The following AGBL4 variants were observed in gnomAD, a reference collection of about 807,000 sequenced individuals.
AGBL4 encodes the protein cytosolic carboxypeptidase 6.
AGBL4 carries 58 observed loss-of-function variants against 66.4 expected under a neutral mutation model. The observed-to-expected ratio is 0.87, with a 90% confidence interval of 0.71 to 1.09. AGBL4 has a LOEUF of 1.09. Among genes scored for constraint, AGBL4 ranks in the 50% least tolerant of loss-of-function variants. AGBL4 has a pLI of 0.00. For missense variants in AGBL4, 579 were observed against 631.0 expected (o/e 0.92, Z 0.88); for synonymous variants, 234 against 222.9 (o/e 1.05, Z -0.44).
intron 2 of AGBL4, 89 bp downstream of exon 2, chr1:49,851,307 T>C (rs1646297532): frequency 7.5e-7 from 1 of 1,332,254 alleles, no homozygotes; most frequent in Non-Finnish European, 9.8e-7. Context: ...ATGAGTTGAA[T>C]TGCACTGAAT....
At chr1:49,804,899 G>C (rs140304805) in intron 2 of AGBL4, among the ~76,000 whole-genome samples, 1 of 152,276 alleles carries the variant, frequency 6.6e-6, no homozygotes, top group East Asian at 1.9e-4. Flanking sequence ...GAGGTTTATA[G>C]CAACATTTTC....
intron 3 of AGBL4, among the ~76,000 whole-genome samples, chr1:49,585,847 T>C (rs1428293849): frequency 6.6e-6 from 1 of 152,132 alleles, no homozygotes; most frequent in African/African-American, 2.4e-5. Context: ...AGAGTCGAAG[T>C]TGGAAGAATT....
chr1:49,027,514 C>A (rs1189331438), intron 5 of AGBL4, among the ~76,000 whole-genome samples: 1 of 152,056 alleles, frequency 6.6e-6, no homozygotes, highest in Non-Finnish European at 1.5e-5. Flanking sequence ...GCCATTTGAA[C>A]CATGACCTGC....
intron 4 of AGBL4, among the ~76,000 whole-genome samples, chr1:49,131,232 A>G (rs1248453261): frequency 2.0e-5 from 3 of 152,010 alleles, no homozygotes; most frequent in Non-Finnish European, 4.4e-5. Context: ...CTTGGGTCAG[A>G]GGTGTCAGAG....
At chr1:49,743,296 G>GA (rs2147814799) in intron 2 of AGBL4, among the ~76,000 whole-genome samples, 2 of 152,276 alleles carry the variant, frequency 1.3e-5, no homozygotes, top group South Asian at 4.1e-4. Context: ...ACAGACACAT[G>GA]AAAAAATGCT....
At chr1:49,682,981 T>A (rs1646724582) in intron 3 of AGBL4, among the ~76,000 whole-genome samples, 1 of 152,182 alleles carries the variant, frequency 6.6e-6, no homozygotes, top group Admixed American at 6.5e-5. Flanking sequence ...AAGGTTCTAC[T>A]TCACAACGTC....
At chr1:49,996,517 A>G (rs1660378523) in intron 1 of AGBL4, among the ~76,000 whole-genome samples, 6 of 152,180 alleles carry the variant, frequency 3.9e-5, no homozygotes, top group South Asian at 4.1e-4. Context: ...ATGACAAAGA[A>G]AAAGGAATAA....
chr1:49,778,416 A>G (rs1472476980), intron 2 of AGBL4, among the ~76,000 whole-genome samples: 4 of 152,158 alleles, frequency 2.6e-5, no homozygotes, highest in Non-Finnish European at 5.9e-5. Flanking sequence ...GGCCCAGGAT[A>G]CCTGAGTCCC....
Position 48,909,150 on chromosome 1 carries a change from G to C in AGBL4, c.595-41920C>G, listed in dbSNP as rs189699087. On this transcript the variant is annotated intron_variant, in intron 5 of 13. Coordinates refer to ENST00000371839, the MANE Select transcript of AGBL4 (RefSeq NM_032785.4). ...AAATAAAATAGCTATGCTTATTTGA[G>C]TATGCCCAAAACAAGGTATCATAGG... is the stretch of plus-strand genomic sequence containing the variant. Among the ~76,000 whole-genome samples the C allele has an allele frequency of 8.1e-4, 124 of 152,276 alleles. 1 individual carries two copies. The highest frequency in any genetic ancestry group is 2.7e-3 in the African/African-American group (114 of 41,556).
intron 3 of AGBL4, among the ~76,000 whole-genome samples, chr1:49,337,254 G>C (rs1448635725): frequency 3.9e-5 from 6 of 152,152 alleles, no homozygotes; most frequent in Non-Finnish European, 8.8e-5. Flanking sequence ...ACTGTGAGGA[G>C]CTCTTTTACT....
intron 3 of AGBL4, among the ~76,000 whole-genome samples, chr1:49,462,233 C>T (rs1021665288): frequency 6.6e-6 from 1 of 151,804 alleles, no homozygotes; most frequent in African/African-American, 2.4e-5. Flanking sequence ...TGTATCTTCA[C>T]TGCCTGGTAG....
chr1:48,965,999 C>A (rs1658384982), intron 5 of AGBL4, among the ~76,000 whole-genome samples: 1 of 152,138 alleles, frequency 6.6e-6, no homozygotes, highest in Non-Finnish European at 1.5e-5. Context: ...TCTCACTTCA[C>A]TTTTAACTAG....
At chr1:49,427,791 G>A (rs1645697568) in intron 3 of AGBL4, among the ~76,000 whole-genome samples, 2 of 152,226 alleles carry the variant, frequency 1.3e-5, no homozygotes, top group South Asian at 2.1e-4. Context: ...TGCTGGCTGG[G>A]TGGCCAGCTT....
chr1:49,982,596 G>T (rs1366502213), intron 1 of AGBL4, among the ~76,000 whole-genome samples: 1 of 152,202 alleles, frequency 6.6e-6, no homozygotes, highest in Admixed American at 6.5e-5. Context: ...CTTCAAGCTG[G>T]GGAGGGCCTG....
intron 1 of AGBL4, among the ~76,000 whole-genome samples, chr1:49,962,867 T>C (rs558449868): frequency 1.3e-5 from 2 of 152,236 alleles, no homozygotes; most frequent in South Asian, 2.1e-4. Context: ...GGAAGAAAAG[T>C]AGGGCTCAGA....
chr1:49,910,814 A>G (rs2148210411), intron 1 of AGBL4, among the ~76,000 whole-genome samples: 1 of 152,260 alleles, frequency 6.6e-6, no homozygotes, highest in East Asian at 1.9e-4. Flanking sequence ...CGTCTTTACT[A>G]AAATACAAAA....
chr1:49,861,916 G>T (rs2148086806), intron 1 of AGBL4, among the ~76,000 whole-genome samples: 1 of 152,228 alleles, frequency 6.6e-6, no homozygotes, highest in African/African-American at 2.4e-5. Flanking sequence ...TTACAAGAAG[G>T]ATGGCTATAA....
intron 6 of AGBL4, among the ~76,000 whole-genome samples, chr1:48,720,858 A>G (rs1355087329): frequency 6.6e-6 from 1 of 152,094 alleles, no homozygotes; most frequent in East Asian, 1.9e-4. Context: ...GGATGGAAGA[A>G]GATTTGGAAA....
intron 2 of AGBL4, among the ~76,000 whole-genome samples, chr1:49,810,499 A>G (rs965267753): frequency 9.2e-5 from 14 of 152,172 alleles, no homozygotes; most frequent in African/African-American, 3.4e-4. Context: ...TAGATCTTAA[A>G]TAATTAATTA....
Sources: gnomAD v4.1 joint callset for allele counts (sites outside exome capture counted in the v4.1 genomes callset) on GRCh38, gnomAD v4.1.1 for gene constraint, MANE v1.5 for transcripts, NCBI Gene and HGNC (gene_info 2026-07-23, HGNC 2026-07-21) for gene names.